WASHC4: variants seen among roughly 807,000 people sequenced by gnomAD.
The protein encoded by WASHC4 is WASH complex subunit 7.
A neutral mutation model predicts 166.6 loss-of-function variants in WASHC4; 86 were observed. The observed-to-expected ratio is 0.52, with a 90% CI of 0.43 to 0.62. The LOEUF (loss-of-function observed/expected upper bound fraction) is 0.62. WASHC4 is among the 20% of genes least tolerant of loss of function. The pLI, the probability that WASHC4 is intolerant of heterozygous loss-of-function variation, is 0.00. For missense variants in WASHC4, 1,262 were observed against 1,382.4 expected (o/e 0.91, Z 1.38); for synonymous variants, 446 against 451.6 (o/e 0.99, Z 0.16).
intron 29 of WASHC4, among the ~76,000 whole-genome samples, chr12:105,161,199 C>T (rs1231080028): frequency 6.6e-5 from 10 of 152,152 alleles, no homozygotes; most frequent in African/African-American, 2.4e-4. Context: ...GTTGTTAACA[C>T]ATCTTCTTAC....
At position 105,120,502 on chromosome 12, in the gene WASHC4, T is replaced by A. The variant is rs949925044; in HGVS notation, c.519-53T>A. The A allele has an allele frequency of 4.5e-5, 47 of 1,052,630 alleles. 1 individual carries two copies. In the South Asian group the frequency reaches 6.0e-4, roughly 13 times the overall value. 65.2% of individuals were successfully genotyped at this position (1,052,630 alleles called of 1,614,324 possible). On this transcript the variant is annotated intron_variant, in intron 7 of 32. Coordinates refer to ENST00000332180, the MANE Select transcript of WASHC4 (RefSeq NM_015275.3). ...CTCCTGTATGTATTTGAAATAAGAA[T>A]AAACTATGACAAAAAGGAAGTTTTT...
At chr12:105,156,317 C>T (rs985117845) in intron 26 of WASHC4, among the ~76,000 whole-genome samples, 1 of 151,914 alleles carries the variant, frequency 6.6e-6, no homozygotes, top group African/African-American at 2.4e-5. Flanking sequence ...AGAGTCCAGG[C>T]CAGAGATATA....
Position 105,126,308 on chromosome 12 carries a change from T to A in WASHC4, c.984T>A (p.Ile328=), listed in dbSNP as rs1254887792. The part of the protein sequence containing the change: ...ICGLFVLHFQ[I]FRTIDKKFYK... ...GACTCTTTGTATTGCACTTTCAGATTTTTCGAACTATTGATAAAAAGTTTT... is the reference window on the plus strand; with the variant it reads ...GACTCTTTGTATTGCACTTTCAGATATTTCGAACTATTGATAAAAAGTTTT... Residue 328 remains isoleucine (I), a synonymous_variant, in exon 12 of 33, where the codon ATT becomes ATA. Transcript: ENST00000332180. The A allele has an allele frequency of 1.2e-6, 2 of 1,605,646 alleles. No individual in the cohort carries two copies. The highest frequency in any genetic ancestry group is 8.5e-7 in the Non-Finnish European group (1 of 1,173,050).
At chr12:105,109,931 T>C (rs1879502149) in intron 1 of WASHC4, among the ~76,000 whole-genome samples, 1 of 152,230 alleles carries the variant, frequency 6.6e-6, no homozygotes, top group Admixed American at 6.5e-5. Flanking sequence ...CATTTGCTGG[T>C]CAAATGCAGC....
chr12:105,108,689 T>C (rs920703789), intron 1 of WASHC4, among the ~76,000 whole-genome samples: 5 of 152,144 alleles, frequency 3.3e-5, no homozygotes, highest in African/African-American at 1.2e-4. Context: ...TCTTTGGTCA[T>C]AGTAATCTGT....
At chr12:105,153,604 T>C (rs1376651512) in intron 26 of WASHC4, among the ~76,000 whole-genome samples, 1 of 152,238 alleles carries the variant, frequency 6.6e-6, no homozygotes, top group Non-Finnish European at 1.5e-5. Context: ...TCCAGGATGA[T>C]TGTTCCAGAA....
intron 26 of WASHC4, 109 bp downstream of exon 26, chr12:105,152,560 C>T (rs1017516279): frequency 2.8e-6 from 2 of 724,450 alleles, no homozygotes; most frequent in Non-Finnish European, 5.0e-6. Context: ...CTGAGCTCAG[C>T]TTTACTCCAC....
At position 105,159,932 on chromosome 12, in the gene WASHC4, T is replaced by C. The variant is rs576460524; in HGVS notation, c.2913-69T>C. On this transcript the variant is annotated intron_variant, in intron 28 of 32. Coordinates refer to ENST00000332180, the MANE Select transcript of WASHC4 (RefSeq NM_015275.3). ...TTTCAAGTGTTCTTATCTAAACTAT[T>C]GAGAGATGGATTTTTTTCAAAGCCA... 4.0e-5 allele frequency: 55 copies of C among 1,389,898 alleles called. 1 individual carries two copies. The South Asian group carries it at 6.3e-4, about 16-fold the overall frequency. The allele number at this position is 1,389,898 out of a possible 1,614,324, so 86.1% of individuals were successfully genotyped here. A position where few individuals can be genotyped will look rare whatever the true frequency, so the allele number is the denominator to read the frequency against.
Position 105,167,386 on chromosome 12 carries a change from T to C in WASHC4, c.*455T>C, listed in dbSNP as rs1175774697. The C allele has an allele frequency of 6.0e-6, 1 of 165,378 alleles. No individual in the cohort carries two copies. The highest frequency in any genetic ancestry group is 1.6e-4 in the East Asian group (1 of 6,168). The allele number at this position is 165,378 out of a possible 1,614,324, so 10.2% of individuals were successfully genotyped here. On this transcript the variant is annotated 3_prime_UTR_variant, in exon 33 of 33. Coordinates refer to ENST00000332180, the MANE Select transcript of WASHC4 (RefSeq NM_015275.3). ...GCCTGAAGTTCATAAAGAATACATA[T>C]CAATATTCTTATAAAAGGAATATAT...
intron 13 of WASHC4, among the ~76,000 whole-genome samples, chr12:105,130,508 C>T (rs572673386): frequency 6.6e-6 from 1 of 152,270 alleles, no homozygotes; most frequent in African/African-American, 2.4e-5. Context: ...TTATTTTTTT[C>T]AGTCTCTTAG....
rs1205762811 is a variant in WASHC4 at position 105,120,570 on chromosome 12, T to C, written c.534T>C (p.Ile178=). The C allele has an allele frequency of 1.2e-6, 2 of 1,602,430 alleles. No homozygotes were observed. The highest frequency in any genetic ancestry group is 1.7e-6 in the Non-Finnish European group (2 of 1,169,538). The change falls in exon 8 of 33, where the codon ATT becomes ATC. Residue 178 remains isoleucine, a synonymous_variant. Transcript: ENST00000332180. ...TTTATTATAGGATTGCACCCAAAATTATAGAGACAACTGGAGTTCATTTTC... is the reference window on the plus strand; with the variant it reads ...TTTATTATAGGATTGCACCCAAAATCATAGAGACAACTGGAGTTCATTTTC... ...LYISNKIAPK[I]IETTGVHFQT...
chr12:105,116,077 A>G (rs1880151304), intron 6 of WASHC4, among the ~76,000 whole-genome samples: 1 of 152,164 alleles, frequency 6.6e-6, no homozygotes, highest in Non-Finnish European at 1.5e-5. Flanking sequence ...ATGAGCAATG[A>G]TGAAGTTGTT....
chr12:105,166,646 A>G (rs57393988), intron 32 of WASHC4, among the ~76,000 whole-genome samples: 1 of 152,138 alleles, frequency 6.6e-6, no homozygotes, highest in Non-Finnish European at 1.5e-5. Context: ...CTCCACCTTC[A>G]TTAAAAACCA....
intron 14 of WASHC4, among the ~76,000 whole-genome samples, chr12:105,137,188 A>G (rs78968856): frequency 2.4e-5 from 2 of 84,132 alleles, no homozygotes; most frequent in Non-Finnish European, 4.9e-5. Flanking sequence ...TTTTTCCTTT[A>G]TTCCACTGTT....
In WASHC4 at chr12:105,121,164, A is replaced by G. The variant is rs1287658434; in HGVS notation, c.625A>G (p.Asn209Asp). 6.2e-7 allele frequency: 1 copy of G among 1,610,816 alleles called. No homozygotes were observed. Among genetic ancestry groups the G allele is most frequent in the African/African-American group, 1.3e-5 (1 of 74,864 alleles). ...GCTCACCCTGGATGAAATTATTGAT[A>G]ATCATATCACACTGAAAGACCACTG... Reference protein sequence around the residue: ...VLLTLDEIIDNHITLKDHWTM... With the variant: ...VLLTLDEIIDDHITLKDHWTM... Residue 209 changes from asparagine (N) to aspartate (D), a missense_variant, in exon 9 of 33, where the codon AAT becomes GAT. Transcript: ENST00000332180.
Position 105,126,317 on chromosome 12 carries a change from T to G in WASHC4, c.993T>G (p.Thr331=). Residue 331 remains threonine, a synonymous_variant, in exon 12 of 33, where the codon ACT becomes ACG. Transcript: ENST00000332180. The stretch of plus-strand genomic sequence containing the variant: ...TATTGCACTTTCAGATTTTTCGAAC[T>G]ATTGATAAAAAGTTTTATAAGTCTT... ...LFVLHFQIFR[T]IDKKFYKSLL... 6.2e-7 allele frequency: 1 copy of G among 1,602,084 alleles called. No individual in the cohort carries two copies.
rs370801059 is a variant in WASHC4 at position 105,107,757 on chromosome 12, C to T, written c.-44C>T. 2.8e-5 allele frequency: 41 copies of T among 1,469,546 alleles called. No individual in the cohort carries two copies. In the African/African-American group the frequency reaches 5.1e-4, roughly 18 times the overall value. The allele number at this position is 1,469,546 out of a possible 1,614,324, so 91.0% of individuals were successfully genotyped here. On this transcript the variant is annotated 5_prime_UTR_variant, in exon 1 of 33. Coordinates refer to ENST00000332180, the MANE Select transcript of WASHC4 (RefSeq NM_015275.3). ...GTAGCTGGGGTGAGGCCGTCGTCGCCGCACGGGCTGGTTGGGGCTGTGTCT... is the reference window on the plus strand; with the variant it reads ...GTAGCTGGGGTGAGGCCGTCGTCGCTGCACGGGCTGGTTGGGGCTGTGTCT...
intron 6 of WASHC4, among the ~76,000 whole-genome samples, chr12:105,117,182 A>G (rs1379589085): frequency 1.3e-5 from 2 of 152,200 alleles, no homozygotes; most frequent in East Asian, 1.9e-4. Flanking sequence ...ATGCATAGCA[A>G]TTTACTGTAC....
intron 15 of WASHC4, among the ~76,000 whole-genome samples, chr12:105,140,033 G>A (rs779872923): frequency 3.3e-5 from 5 of 151,798 alleles, no homozygotes; most frequent in Non-Finnish European, 7.4e-5. Flanking sequence ...CACCATGCCC[G>A]GCTAATTTTT....
Sources: allele counts gnomAD v4.1 joint callset (sites outside exome capture counted in the v4.1 genomes callset), GRCh38; gene constraint gnomAD v4.1.1; transcripts MANE v1.5; gene names NCBI Gene and HGNC (gene_info 2026-07-23, HGNC 2026-07-21).